The following DNAJC10 variants were observed in gnomAD, a reference collection of about 807,000 sequenced individuals.
DNAJC10 encodes endoplasmic reticulum disulfide reductase DNAJC10.
DNAJC10 carries 101 observed loss-of-function variants against 115.0 expected under a neutral mutation model. The ratio of observed to expected loss-of-function variants is 0.88; its 90% CI spans 0.75 to 1.04. DNAJC10 has a LOEUF of 1.04. Ranked by LOEUF, DNAJC10 falls within the 50% of genes least tolerant of loss-of-function variation. The pLI is 0.00. For synonymous variants in DNAJC10, 307 were observed against 301.5 expected (o/e 1.02, Z -0.19); for missense variants, 981 against 928.8 (o/e 1.06, Z -0.73).
intron 16 of DNAJC10, chr2:182,752,436 A>G (rs1694047208): frequency 5.6e-6 from 2 of 357,034 alleles, no homozygotes; most frequent in East Asian, 7.1e-5. Flanking sequence ...AACTATTTTC[A>G]TTAACTTCAT....
At chr2:182,772,566 G>A (rs960161799) in intron 22 of DNAJC10, among the ~76,000 whole-genome samples, 2 of 152,196 alleles carry the variant, frequency 1.3e-5, no homozygotes. Context: ...TTACCATTAT[G>A]TAATAGCCTT....
At position 182,753,577 on chromosome 2, in the gene DNAJC10, TAG is replaced by T. The variant is rs1491565127; in HGVS notation, c.1551+1390_1551+1391del. 2.9e-3 allele frequency among the ~76,000 whole-genome samples: 366 copies of T among 124,140 alleles called. 5 individuals are homozygous for T. Among genetic ancestry groups the T allele is most frequent in the African/African-American group, 0.011 (338 of 31,686 alleles). 81.4% of individuals were successfully genotyped at this position (124,140 alleles called of 152,430 possible). Reference sequence around the variant, plus strand: ...TATCTTAATTTTAATTTCTTTAGTTTAGTTTTTTTTTTTTTTTTTTTTTGAGA... The same window carrying T: ...TATCTTAATTTTAATTTCTTTAGTTTTTTTTTTTTTTTTTTTTTTTTGAGA... On this transcript the variant is annotated intron_variant, in intron 16 of 23. Transcript: ENST00000264065.
intron 17 of DNAJC10, among the ~76,000 whole-genome samples, chr2:182,755,368 A>G (rs941030042): frequency 3.3e-5 from 5 of 151,258 alleles, no homozygotes; most frequent in Admixed American, 2.6e-4. Flanking sequence ...AACATATGCA[A>G]TGTATTTTCA....
rs1216271916 is a variant in DNAJC10 at position 182,792,201 on chromosome 2, AC to A, written c.*15070del. ...ACAAATGCTTGCATACCATCAGTGA[AC>A]AATTATTTTTTTATCTCCATGCTAT... On this transcript the variant is annotated 3_prime_UTR_variant, in exon 24 of 24. Transcript: ENST00000264065. The A allele has an allele frequency of 6.6e-6, 1 of 152,230 alleles. No individual in the cohort carries two copies. Among genetic ancestry groups the A allele is most frequent in the Non-Finnish European group, 1.5e-5 (1 of 68,032 alleles). The allele number at this position is 152,230 out of a possible 1,614,324, so 9.4% of individuals were successfully genotyped here. A position where few individuals can be genotyped will look rare whatever the true frequency, so the allele number is the denominator to read the frequency against.
Position 182,756,415 on chromosome 2 carries a change from T to C in DNAJC10, c.1755T>C (p.Ser585=), listed in dbSNP as rs747042378. The C allele has an allele frequency of 1.6e-5, 26 of 1,613,928 alleles. No individual in the cohort carries two copies. In the African/African-American group the frequency reaches 3.2e-4, roughly 20 times the overall value. Residue 585 remains serine (S), a synonymous_variant, in exon 18 of 24, where the codon TCT becomes TCC. Transcript: ENST00000264065. ...AAGTCTGGATGGTTGATTTCTATTCTCCGTGGTGTCATCCTTGCCAAGTCT... is the reference window on the plus strand; with the variant it reads ...AAGTCTGGATGGTTGATTTCTATTCCCCGTGGTGTCATCCTTGCCAAGTCT... ...HNEVWMVDFY[S]PWCHPCQVLM...
In DNAJC10 at chr2:182,790,270, A is replaced by T. The variant is rs906473257; in HGVS notation, c.*13138A>T. 10 of 152,176 alleles carry T rather than the reference A, an allele frequency of 6.6e-5. No individual in the cohort carries two copies. Among genetic ancestry groups the T allele is most frequent in the Non-Finnish European group, 1.5e-4 (10 of 68,014 alleles). 9.4% of individuals were successfully genotyped at this position (152,176 alleles called of 1,614,324 possible). Reference sequence around the variant, plus strand: ...CAAGAGCAGAAGAAATTTATTTTATACTTATAAACTTCAAGATTTGCTGAA... The same window carrying T: ...CAAGAGCAGAAGAAATTTATTTTATTCTTATAAACTTCAAGATTTGCTGAA... On this transcript the variant is annotated 3_prime_UTR_variant, in exon 24 of 24. Coordinates refer to ENST00000264065, the MANE Select transcript of DNAJC10 (RefSeq NM_018981.4).
rs1047874002 is a variant in DNAJC10, at chr2:182,780,366, A to G, written c.*3234A>G. 6.6e-6 allele frequency: 1 copy of G among 151,540 alleles called. No individual in the cohort carries two copies. Among genetic ancestry groups the G allele is most frequent in the African/African-American group, 2.4e-5 (1 of 41,162 alleles). The allele number at this position is 151,540 out of a possible 1,614,324, so 9.4% of individuals were successfully genotyped here. A position where few individuals can be genotyped will look rare whatever the true frequency, so the allele number is the denominator to read the frequency against. ...TTGTTAAAAGGAACTTGGCACCACC[A>G]CCTCCTCTCTTTCTCGCTCCTTCTC... On this transcript the variant is annotated 3_prime_UTR_variant, in exon 24 of 24. Transcript: ENST00000264065.
chr2:182,768,021 A>C (rs971886277), intron 22 of DNAJC10, among the ~76,000 whole-genome samples: 2 of 152,094 alleles, frequency 1.3e-5, no homozygotes, highest in Admixed American at 6.6e-5. Flanking sequence ...CACATTTTGA[A>C]GGAGAATTAG....
chr2:182,733,673 GTTAT>G (rs1413315525), intron 10 of DNAJC10, among the ~76,000 whole-genome samples: 1 of 125,188 alleles, frequency 8.0e-6, no homozygotes, highest in Non-Finnish European at 1.6e-5. Flanking sequence ...TACAACTGTT[GTTAT>G]TTCTTTCTCA....
chr2:182,732,326 GTGTGTGTGTTTGTA>G (rs1203497995), intron 9 of DNAJC10, among the ~76,000 whole-genome samples, 159 bp from the exon 10 acceptor site: 5 of 151,616 alleles, frequency 3.3e-5, no homozygotes, highest in South Asian at 2.1e-4. Context: ...GTGTGTTTTT[GTGTGTGTGTTTGTA>G]TGTGTGTGTG....
chr2:182,759,420 T>C, intron 21 of DNAJC10, 113 bp downstream of exon 21: 1 of 990,360 alleles, frequency 1.0e-6, no homozygotes, highest in Middle Eastern at 2.2e-4. Flanking sequence ...TCCTCTGAAT[T>C]TAAAAATAGC....
At chr2:182,748,666 C>G (rs1042466443) in intron 14 of DNAJC10, among the ~76,000 whole-genome samples, 3 of 151,972 alleles carry the variant, frequency 2.0e-5, no homozygotes, top group Admixed American at 6.6e-5. Flanking sequence ...TTTTGTTGAT[C>G]CTTTCAAAAA....
chr2:182,729,918 G>A lies in DNAJC10; in HGVS notation c.704G>A (p.Ser235Asn). Reference protein sequence around the residue: ...LVSFAMQHVRSTVTELWTGNF... With the variant: ...LVSFAMQHVRNTVTELWTGNF... ...AGTTTTGCAATGCAGCATGTTAGAAGTACAGTGACAGAACTTTGGACAGGT... is the reference window on the plus strand; with the variant it reads ...AGTTTTGCAATGCAGCATGTTAGAAATACAGTGACAGAACTTTGGACAGGT... The change falls in exon 8 of 24, where the codon AGT becomes AAT. Residue 235 changes from serine to asparagine, a missense_variant. Coordinates refer to ENST00000264065, the MANE Select transcript of DNAJC10 (RefSeq NM_018981.4). 3 of 1,607,350 alleles carry A rather than the reference G, an allele frequency of 1.9e-6. No individual in the cohort carries two copies. The highest frequency in any genetic ancestry group is 2.5e-6 in the Non-Finnish European group (3 of 1,176,498).
At chr2:182,720,293 T>C in intron 4 of DNAJC10, 124 bp downstream of exon 4, 1 of 770,024 alleles carries the variant, frequency 1.3e-6, no homozygotes, top group Admixed American at 2.7e-5. Flanking sequence ...TTTAATTTGC[T>C]GTGGGAGTGA....
At position 182,791,879 on chromosome 2, in the gene DNAJC10, T is replaced by C. The variant is rs1278099807; in HGVS notation, c.*14747T>C. On this transcript the variant is annotated 3_prime_UTR_variant, in exon 24 of 24. Coordinates refer to ENST00000264065, the MANE Select transcript of DNAJC10 (RefSeq NM_018981.4). ...TAAATTGCATCTTACATTTCAACAA[T>C]GGATGTTTAAAGCGTTTAAAAGTTA... The C allele has an allele frequency of 2.0e-5, 3 of 152,176 alleles. No individual in the cohort carries two copies. The highest frequency in any genetic ancestry group is 7.2e-5 in the African/African-American group (3 of 41,450). The allele number at this position is 152,176 out of a possible 1,614,324, so 9.4% of individuals were successfully genotyped here. A position where few individuals can be genotyped will look rare whatever the true frequency, so the allele number is the denominator to read the frequency against.
At chr2:182,751,984 T>A in intron 15 of DNAJC10, 88 bp from the exon 16 acceptor site, 1 of 1,231,300 alleles carries the variant, frequency 8.1e-7, no homozygotes, top group Non-Finnish European at 1.2e-6. Context: ...ACAGTTTGTC[T>A]TACTTAGCAT....
In DNAJC10 at chr2:182,751,668, T is replaced by A. The variant is rs781545016; in HGVS notation, c.1317T>A (p.Ile439=). Residue 439 remains isoleucine, a synonymous_variant, in exon 15 of 24, where the codon ATT becomes ATA. Transcript: ENST00000264065. ...CATTCACTTTGAAAGGAAAGAAGAT[T>A]CTATATGATATACTTGCCTTTGCCA... is the stretch of plus-strand genomic sequence containing the variant. The part of the protein sequence containing the change: ...KEYEIHHGKK[I]LYDILAFAKE... The A allele has an allele frequency of 1.5e-5, 24 of 1,612,724 alleles. No homozygotes were observed. The highest frequency in any genetic ancestry group is 1.9e-5 in the Non-Finnish European group (23 of 1,179,596).
At chr2:182,741,018 T>C (rs1693720554) in intron 12 of DNAJC10, among the ~76,000 whole-genome samples, 1 of 152,162 alleles carries the variant, frequency 6.6e-6, no homozygotes, top group South Asian at 2.1e-4. Context: ...TCATCTACTT[T>C]AAGATTTTAT....
intron 22 of DNAJC10, among the ~76,000 whole-genome samples, chr2:182,766,559 T>G (rs1237330698): frequency 3.3e-5 from 5 of 152,154 alleles, no homozygotes; most frequent in Non-Finnish European, 1.5e-5. Context: ...CTGGCTTTCT[T>G]GCTACCCACA....
Sources: allele counts gnomAD v4.1 joint callset (sites outside exome capture counted in the v4.1 genomes callset), GRCh38; gene constraint gnomAD v4.1.1; transcripts MANE v1.5; gene names NCBI Gene and HGNC (gene_info 2026-07-23, HGNC 2026-07-21).